CCHCR1: variants seen among roughly 807,000 people sequenced by gnomAD.
CCHCR1 encodes the protein HCR (a-helix coiled-coil rod homologue).
In CCHCR1, 91 loss-of-function variants were observed where a neutral mutation model predicts 114.6. That is an observed-to-expected ratio of 0.79 (90% CI 0.67 to 0.94). The LOEUF (loss-of-function observed/expected upper bound fraction) is 0.94, where lower values mean the gene tolerates loss of function less well. Ranked by LOEUF, CCHCR1 falls within the 40% of genes least tolerant of loss-of-function variation. CCHCR1 has a pLI of 0.00. For synonymous variants in CCHCR1, 379 were observed against 428.5 expected, an observed-to-expected ratio of 0.88 and a Z score of 1.43; for missense variants, 899 against 1,079.9, an observed-to-expected ratio of 0.83 and a Z score of 2.35.
In CCHCR1 at chr6:31,144,864, C is replaced by A; in HGVS notation, c.2065+21G>T. ...TTCCCACCCCACCCTCCAAGGGAAGCACCCATTTCCCTCTCGACACCTTGC... is the reference window on the plus strand; with the variant it reads ...TTCCCACCCCACCCTCCAAGGGAAGAACCCATTTCCCTCTCGACACCTTGC... On this transcript the variant is annotated intron_variant, in intron 14 of 17. Coordinates refer to ENST00000396268, the MANE Select transcript of CCHCR1 (RefSeq NM_001105564.2). This position sits in a 1 kb window ranked among gnomAD's most constrained non-coding sequence, Gnocchi z 4.6. 6.2e-7 allele frequency: 1 copy of A among 1,608,918 alleles called. No homozygotes were observed. The highest frequency in any genetic ancestry group is 8.5e-7 in the Non-Finnish European group (1 of 1,175,618).
In CCHCR1 at chr6:31,150,042, C is replaced by T. The variant is rs373196155; in HGVS notation, c.1362+24G>A. 37 of 1,611,740 alleles carry T rather than the reference C, an allele frequency of 2.3e-5. No individual in the cohort carries two copies. Among genetic ancestry groups the T allele is most frequent in the Non-Finnish European group, 2.7e-5 (32 of 1,178,108 alleles). ...GGAGCAAGGTGCTGGGAGGGAATAC[C>T]GGGAGAAAAGAGAGTGCAGTGACCT... On this transcript the variant is annotated intron_variant, in intron 8 of 17. Coordinates refer to ENST00000396268, the MANE Select transcript of CCHCR1 (RefSeq NM_001105564.2). The surrounding 1 kb of genome is among the most constrained non-coding windows in gnomAD (Gnocchi z 5.3).
chr6:31,153,375 T>C (rs775666973), intron 4 of CCHCR1, among the ~76,000 whole-genome samples: 2 of 152,196 alleles, frequency 1.3e-5, no homozygotes, highest in Non-Finnish European at 2.9e-5. Flanking sequence ...CATTTTATAT[T>C]AGGGATATTA....
Position 31,145,006 on chromosome 6 carries a change from C to T in CCHCR1, c.1944G>A (p.Gln648=), listed in dbSNP as rs766478370. 6.8e-6 allele frequency: 11 copies of T among 1,606,300 alleles called. No individual in the cohort carries two copies. The highest frequency in any genetic ancestry group is 9.3e-6 in the Non-Finnish European group (11 of 1,179,754). Residue 648 remains glutamine (Q), a synonymous_variant, in exon 14 of 18, where the codon CAG becomes CAA. Coordinates refer to ENST00000396268, the MANE Select transcript of CCHCR1 (RefSeq NM_001105564.2). ...GCAGCCCCAAGCTAGCCAGGGACTC[C>T]TGGGTCTGCTGCAGCTCCTGCTCCA... ...QQLEQELQQT[Q]ESLASLGLQL...
chr6:31,145,752 A>G lies in CCHCR1; in HGVS notation c.1637T>C (p.Leu546Pro), dbSNP rs1774243512. 1 of 1,613,188 alleles carries G rather than the reference A, an allele frequency of 6.2e-7. No individual in the cohort carries two copies. Among genetic ancestry groups the G allele is most frequent in the Non-Finnish European group, 8.5e-7 (1 of 1,180,012 alleles). The change falls in exon 11 of 18, where the codon CTT (leucine) becomes CCT (proline). Residue 546 changes from leucine to proline, a missense_variant. By Grantham distance (98) the Leu-to-Pro change is moderately conservative (BLOSUM62 -3). Transcript: ENST00000396268. ...MAKVEGAAAQ[L>P]PSLNNRLSYA... ...GCTGAGTCGGTTGTTGAGGCTGGGA[A>G]GCTGGGCGGCAGCCCCTTCCACCTT...
intron 8 of CCHCR1, among the ~76,000 whole-genome samples, 166 bp from the exon 9 acceptor site, chr6:31,148,894 G>A (rs9263760): frequency 0.22 from 33,536 of 150,118 alleles, 4,261 homozygotes; most frequent in African/African-American, 0.31. Flanking sequence ...GCTCACACCT[G>A]TAATCCCAGC....
Position 31,157,606 on chromosome 6 carries a change from G to A in CCHCR1, c.-6C>T. The stretch of plus-strand genomic sequence containing the variant: ...CCAGCTGAATGTGGCCACATGCAGG[G>A]CTAGACCCTCCCCAAGACCTTGGGA... On this transcript the variant is annotated 5_prime_UTR_variant, in exon 1 of 18. Coordinates refer to ENST00000396268, the MANE Select transcript of CCHCR1 (RefSeq NM_001105564.2). The A allele has an allele frequency of 6.2e-7, 1 of 1,605,470 alleles. No homozygotes were observed. The highest frequency in any genetic ancestry group is 1.1e-5 in the South Asian group (1 of 90,202).
At chr6:31,148,854 CGGGCGA>C in intron 8 of CCHCR1, 126 bp from the exon 9 acceptor site, 2 of 53,172 alleles carry the variant, frequency 3.8e-5, no homozygotes, top group East Asian at 6.9e-4. Flanking sequence ...GGAGGGGGGG[CGGGCGA>C]CGGGGGTGGG....
chr6:31,155,040 G>A (rs944994906), intron 3 of CCHCR1, among the ~76,000 whole-genome samples: 4 of 152,156 alleles, frequency 2.6e-5, no homozygotes, highest in African/African-American at 9.7e-5. Context: ...GGCTGAGATC[G>A]TGGAACATGA....
At chr6:31,145,144 A>C in intron 13 of CCHCR1, 22 bp downstream of exon 13, 1 of 1,609,472 alleles carries the variant, frequency 6.2e-7, no homozygotes, top group Non-Finnish European at 8.5e-7. Context: ...CATCCTCTCC[A>C]CCCCCTGGCA....
At chr6:31,155,603 C>CA (rs9257057) in intron 3 of CCHCR1, among the ~76,000 whole-genome samples, 2 of 96,778 alleles carry the variant, frequency 2.1e-5, no homozygotes, top group African/African-American at 8.1e-5. Context: ...GACTCCATCT[C>CA]AAAAAAAAGG....
In CCHCR1 at chr6:31,143,108, G is replaced by C; in HGVS notation, c.2346C>G (p.Leu782=). The stretch of plus-strand genomic sequence containing the variant: ...ACAGTCGCTGCTGCTTGTAACGGGA[G>C]AGGAGACCTTCCTGCTGCAAGGTGG... The part of the protein sequence containing the change: ...MLATLQQEGL[L]SRYKQQRLLT... The change falls in exon 17 of 18, where the codon CTC becomes CTG. Residue 782 remains leucine (L), a synonymous_variant. Transcript: ENST00000396268. The surrounding 1 kb of genome is among the most constrained non-coding windows in gnomAD (Gnocchi z 5.3). The C allele has an allele frequency of 6.2e-7, 1 of 1,612,960 alleles. No individual in the cohort carries two copies. The highest frequency in any genetic ancestry group is 1.7e-5 in the Admixed American group (1 of 60,004).
chr6:31,148,197 C>T (rs746083108), intron 10 of CCHCR1, among the ~76,000 whole-genome samples: 1 of 152,180 alleles, frequency 6.6e-6, no homozygotes, highest in Non-Finnish European at 1.5e-5. Flanking sequence ...ACGGGAAATT[C>T]ATAACAAGCA....
At position 31,157,798 on chromosome 6, in the gene CCHCR1, C is replaced by T; in HGVS notation, c.-198G>A. Reference sequence around the variant, plus strand: ...TAACACATAGTGGGCACTTTAAGATCTTCCTCCCACCCTCCCACCCTCATT... The same window carrying T: ...TAACACATAGTGGGCACTTTAAGATTTTCCTCCCACCCTCCCACCCTCATT... On this transcript the variant is annotated 5_prime_UTR_variant, in exon 1 of 18. Transcript: ENST00000396268. 5.0e-6 allele frequency: 3 copies of T among 594,698 alleles called. No individual in the cohort carries two copies. The highest frequency in any genetic ancestry group is 2.0e-5 in the South Asian group (1 of 48,876). 36.8% of individuals were successfully genotyped at this position (594,698 alleles called of 1,614,324 possible).
At chr6:31,148,779 G>A in intron 8 of CCHCR1, 51 bp from the exon 9 acceptor site, 1 of 1,128,968 alleles carries the variant, frequency 8.9e-7, no homozygotes, top group Non-Finnish European at 1.3e-6. Flanking sequence ...AAAAGATGAG[G>A]GGGGCACTGG....
chr6:31,157,529 G>A lies in CCHCR1; in HGVS notation c.72C>T (p.Ala24=), dbSNP rs1001481045. 6.2e-7 allele frequency: 1 copy of A among 1,613,016 alleles called. No homozygotes were observed. Among genetic ancestry groups the A allele is most frequent in the South Asian group, 1.1e-5 (1 of 91,082 alleles). ...TLTGKDPRVM[A]CWCLDGLPSG... The stretch of plus-strand genomic sequence containing the variant: ...AGGGAAGCCCATCCAGACACCAGCA[G>A]GCCATGACTCTTGGGTCCTTCCCTG... The change falls in exon 1 of 18, where the codon GCC becomes GCT. Residue 24 remains alanine (A), a synonymous_variant. Coordinates refer to ENST00000396268, the MANE Select transcript of CCHCR1 (RefSeq NM_001105564.2).
At position 31,144,462 on chromosome 6, in the gene CCHCR1, T is replaced by C. The variant is rs901237847; in HGVS notation, c.2167+225A>G. 2.1e-6 allele frequency: 1 copy of C among 474,414 alleles called. No homozygotes were observed. The highest frequency in any genetic ancestry group is 2.0e-5 in the African/African-American group (1 of 50,332). The allele number at this position is 474,414 out of a possible 1,614,324, so 29.4% of individuals were successfully genotyped here. ...CACCCACCTCGGCCTCCCAAAGTGC[T>C]TGGATTACAGGCATAAGCCACCGCG... On this transcript the variant is annotated intron_variant, in intron 15 of 17. Transcript: ENST00000396268. This position sits in a 1 kb window ranked among gnomAD's most constrained non-coding sequence, Gnocchi z 4.6.
chr6:31,156,063 G>A (rs555344739), intron 3 of CCHCR1, among the ~76,000 whole-genome samples: 2 of 152,192 alleles, frequency 1.3e-5, no homozygotes, highest in African/African-American at 4.8e-5. Flanking sequence ...GGTGTGAGCC[G>A]CCATATCTGG....
Position 31,151,743 on chromosome 6 carries a change from C to T in CCHCR1, c.802-621G>A, listed in dbSNP as rs1034102511. Among the ~76,000 whole-genome samples the T allele has an allele frequency of 2.6e-5, 4 of 152,144 alleles. No individual in the cohort carries two copies. Among genetic ancestry groups the T allele is most frequent in the East Asian group, 3.8e-4 (2 of 5,196 alleles). Reference sequence around the variant, plus strand: ...CTTATGTGTATGTGTTACTATCTGTCGGACCACACTGGAAGGAAAGCTCCA... The same window carrying T: ...CTTATGTGTATGTGTTACTATCTGTTGGACCACACTGGAAGGAAAGCTCCA... On this transcript the variant is annotated intron_variant, in intron 4 of 17. Transcript: ENST00000396268. The surrounding 1 kb of genome is among the most constrained non-coding windows in gnomAD (Gnocchi z 4.1).
Position 31,157,612 on chromosome 6 carries a change from C to T in CCHCR1, c.-12G>A. On this transcript the variant is annotated 5_prime_UTR_variant, in exon 1 of 18. Coordinates refer to ENST00000396268, the MANE Select transcript of CCHCR1 (RefSeq NM_001105564.2). ...GAATGTGGCCACATGCAGGGCTAGA[C>T]CCTCCCCAAGACCTTGGGAATCCAG... 1 of 1,602,580 alleles carries T rather than the reference C, an allele frequency of 6.2e-7. No homozygotes were observed. Among genetic ancestry groups the T allele is most frequent in the Non-Finnish European group, 8.5e-7 (1 of 1,175,328 alleles).
Sources: gnomAD v4.1 joint callset for allele counts (sites outside exome capture counted in the v4.1 genomes callset) on GRCh38, gnomAD v4.1.1 for gene constraint, Gnocchi (gnomAD v3.1) non-coding constraint, MANE v1.5 for transcripts, NCBI Gene and HGNC (gene_info 2026-07-23, HGNC 2026-07-21) for gene names.